The following SERINC5 variants were observed in gnomAD, a reference collection of about 807,000 sequenced individuals.
The protein encoded by SERINC5 is chromosome 5 open reading frame 12.
SERINC5 carries 41 observed loss-of-function variants against 63.1 expected under a neutral mutation model. The observed-to-expected ratio is 0.65, with a 90% CI of 0.51 to 0.84. SERINC5 has a LOEUF of 0.84. Ranked by LOEUF, SERINC5 falls within the 40% of genes least tolerant of loss-of-function variation. The probability of loss-of-function intolerance (pLI) is 0.00; values close to 1 mark genes in which losing one functional copy is unlikely to be tolerated. For synonymous variants in SERINC5, 222 were observed against 215.2 expected, an observed-to-expected ratio of 1.03 and a Z score of -0.28; for missense variants, 523 against 573.0, an observed-to-expected ratio of 0.91 and a Z score of 0.89.
chr5:80,211,165 C>G (rs1750412435), intron 1 of SERINC5, among the ~76,000 whole-genome samples: 1 of 152,146 alleles, frequency 6.6e-6, no homozygotes, highest in African/African-American at 2.4e-5. Flanking sequence ...AAAGGAGAAG[C>G]CAGAACTAAA....
Position 80,169,557 on chromosome 5 carries a change from G to T in SERINC5, c.552-11C>A. 3.1e-6 allele frequency: 5 copies of T among 1,604,890 alleles called. No homozygotes were observed. The highest frequency in any genetic ancestry group is 1.1e-5 in the South Asian group (1 of 90,202). ...GCTGTGCCTGCTGTCCTGTTTCTCCGGGAAGTGGGTAAGAGGGAGAGGAGA... is the reference window on the plus strand; with the variant it reads ...GCTGTGCCTGCTGTCCTGTTTCTCCTGGAAGTGGGTAAGAGGGAGAGGAGA... On this transcript the variant is annotated splice_polypyrimidine_tract_variant and intron_variant, in intron 5 of 11. Transcript: ENST00000507668.
rs574487676 is a variant in SERINC5 at position 80,142,225 on chromosome 5, T to C, written c.*1438A>G. The C allele has an allele frequency of 4.1e-6, 4 of 983,612 alleles. No homozygotes were observed. In the South Asian group the frequency reaches 1.9e-4, roughly 47 times the overall value. 60.9% of individuals were successfully genotyped at this position (983,612 alleles called of 1,614,324 possible). On this transcript the variant is annotated 3_prime_UTR_variant, in exon 12 of 12. Coordinates refer to ENST00000507668, the MANE Select transcript of SERINC5 (RefSeq NM_001174072.3). ...ATCAACACTGAAAATAGGCATCATC[T>C]TGGGTAGCTGCCGAAAGTCACGTTT...
At chr5:80,179,156 C>T (rs1029546017) in intron 2 of SERINC5, among the ~76,000 whole-genome samples, 4 of 151,650 alleles carry the variant, frequency 2.6e-5, no homozygotes, top group Admixed American at 1.3e-4. Context: ...ATAATGAGCC[C>T]GGTGTGGTGG....
intron 2 of SERINC5, among the ~76,000 whole-genome samples, chr5:80,182,440 TC>T (rs1401032977): frequency 1.3e-5 from 2 of 151,736 alleles, no homozygotes; most frequent in East Asian, 3.9e-4. Context: ...ACCATACATT[TC>T]TTCCCCTCAC....
At chr5:80,177,201 C>A in intron 4 of SERINC5, 114 bp downstream of exon 4, 1 of 721,602 alleles carries the variant, frequency 1.4e-6, no homozygotes, top group South Asian at 1.9e-5. Context: ...CTTTTGAAGC[C>A]AAAAGAAAAT....
At chr5:80,228,024 C>T (rs1420969474) in intron 1 of SERINC5, among the ~76,000 whole-genome samples, 1 of 150,560 alleles carries the variant, frequency 6.6e-6, no homozygotes, top group African/African-American at 2.5e-5. Context: ...GAATTCGAGA[C>T]CAGCCTGGGC....
chr5:80,210,915 C>T (rs1400119964), intron 1 of SERINC5, among the ~76,000 whole-genome samples: 1 of 152,180 alleles, frequency 6.6e-6, no homozygotes, highest in Admixed American at 6.5e-5. Flanking sequence ...GCCTGAAACT[C>T]TGTGCTGAGG....
In SERINC5 at chr5:80,198,673, G is replaced by A. The variant is rs1349777879; in HGVS notation, c.195+4213C>T. ...AGGAGCCCAGTGTGCGTCCCTACAAGGGGACCTTTCAACACCCGCCCGCAA... is the reference window on the plus strand; with the variant it reads ...AGGAGCCCAGTGTGCGTCCCTACAAAGGGACCTTTCAACACCCGCCCGCAA... On this transcript the variant is annotated intron_variant, in intron 2 of 11. Transcript: ENST00000507668. 9.1e-6 allele frequency: 9 copies of A among 985,302 alleles called. No homozygotes were observed. The South Asian group carries it at 2.8e-4, about 31-fold the overall frequency. The allele number at this position is 985,302 out of a possible 1,614,324, so 61.0% of individuals were successfully genotyped here.
At chr5:80,177,426 A>G in intron 3 of SERINC5, 29 bp from the exon 4 acceptor site, 1 of 1,543,758 alleles carries the variant, frequency 6.5e-7, no homozygotes, top group East Asian at 2.2e-5. Context: ...AAAAGAGGAA[A>G]TGTATTTAAA....
chr5:80,245,279 G>A (rs1182085944), intron 1 of SERINC5, among the ~76,000 whole-genome samples: 1 of 152,190 alleles, frequency 6.6e-6, no homozygotes, highest in Non-Finnish European at 1.5e-5. Flanking sequence ...CAACACAACT[G>A]TGTGTGCAAC....
rs1483158683 is a variant in SERINC5, at chr5:80,202,936, G to A, written c.145C>T (p.Leu49Phe). Residue 49 changes from leucine (L) to phenylalanine (F), a missense_variant, in exon 2 of 12, where the codon CTC (leucine) becomes TTC (phenylalanine). By Grantham distance (22) the Leu-to-Phe change is conservative (BLOSUM62 0). Transcript: ENST00000507668. ...GTTGTTGACATCATGATGCAGCAGA[G>A]GACGACGACCAGAATGAAGTAGAGG... Reference protein sequence around the residue: ...YALYFILVVVLCCIMMSTTVA... With the variant: ...YALYFILVVVFCCIMMSTTVA... 1.2e-6 allele frequency: 2 copies of A among 1,613,482 alleles called. No homozygotes were observed. The highest frequency in any genetic ancestry group is 2.2e-5 in the East Asian group (1 of 44,876).
At chr5:80,219,332 G>GT (rs1750800977) in intron 1 of SERINC5, among the ~76,000 whole-genome samples, 2 of 152,152 alleles carry the variant, frequency 1.3e-5, no homozygotes, top group Non-Finnish European at 2.9e-5. Context: ...TCCTACAGCT[G>GT]AGAAAACACT....
At chr5:80,146,380 C>G in intron 10 of SERINC5, 146 bp from the exon 11 acceptor site, 1 of 876,050 alleles carries the variant, frequency 1.1e-6, no homozygotes, top group Non-Finnish European at 1.8e-6. Flanking sequence ...CAATCTGTGC[C>G]CTAAGCACAA....
intron 1 of SERINC5, among the ~76,000 whole-genome samples, chr5:80,224,133 CA>C (rs33915521): frequency 0.13 from 12,932 of 102,004 alleles, 723 homozygotes; most frequent in Middle Eastern, 0.17. Flanking sequence ...AACTCCGTCT[CA>C]AAAAAAAAAA....
In SERINC5 at chr5:80,166,386, C is replaced by G. The variant is rs993792824; in HGVS notation, c.856G>C (p.Val286Leu). 1 of 1,579,198 alleles carries G rather than the reference C, an allele frequency of 6.3e-7. No homozygotes were observed. The highest frequency in any genetic ancestry group is 2.3e-5 in the East Asian group (1 of 43,280). Residue 286 changes from valine to leucine, a missense_variant, in exon 7 of 12, where the codon GTA becomes CTA. Physicochemically the swap from Val to Leu is conservative, Grantham distance 32. Transcript: ENST00000507668. ...GCCCACTAACAGGCTGGCTTACCTA[C>G]TTCTGCAGGTTTGCTGGACAGAGCT... is the stretch of plus-strand genomic sequence containing the variant. The part of the protein sequence containing the change: ...FSALSSKPAE[V>L]VLDEHGKNVT...
Position 80,139,766 on chromosome 5 carries a change from A to G in SERINC5, c.*3897T>C, listed in dbSNP as rs1330360670. 12 of 985,336 alleles carry G rather than the reference A, an allele frequency of 1.2e-5. No individual in the cohort carries two copies. Among genetic ancestry groups the G allele is most frequent in the Non-Finnish European group, 1.4e-5 (12 of 829,962 alleles). The allele number at this position is 985,336 out of a possible 1,614,324, so 61.0% of individuals were successfully genotyped here. On this transcript the variant is annotated 3_prime_UTR_variant, in exon 12 of 12. Transcript: ENST00000507668. ...ATTCCACAAGCCAAGTGGCTACTGC[A>G]TTGTCCCTGAAGAAGGAGGGCCCAG...
chr5:80,230,856 T>C (rs1295812719), intron 1 of SERINC5, among the ~76,000 whole-genome samples: 1 of 152,162 alleles, frequency 6.6e-6, no homozygotes, highest in Admixed American at 6.6e-5. Context: ...TATCCCAGGC[T>C]GGATGGAGTG....
intron 2 of SERINC5, among the ~76,000 whole-genome samples, chr5:80,199,223 T>C (rs529370050): frequency 1.3e-5 from 2 of 152,272 alleles, no homozygotes; most frequent in East Asian, 3.9e-4. Context: ...TAAGAACATA[T>C]TCAGACCAGA....
intron 2 of SERINC5, among the ~76,000 whole-genome samples, chr5:80,188,149 G>C (rs1748943580): frequency 6.6e-6 from 1 of 151,952 alleles, no homozygotes; most frequent in Admixed American, 6.6e-5. Flanking sequence ...CCAGGTGCAT[G>C]GCGGGCACCT....
Sources: gnomAD v4.1 joint callset for allele counts (sites outside exome capture counted in the v4.1 genomes callset) on GRCh38, gnomAD v4.1.1 for gene constraint, MANE v1.5 for transcripts, NCBI Gene and HGNC (gene_info 2026-07-23, HGNC 2026-07-21) for gene names.